BPHL: variants seen among roughly 807,000 people sequenced by gnomAD.
BPHL encodes serine hydrolase BPHL.
Under a neutral mutation model 31.2 loss-of-function variants are expected in BPHL, and 27 were observed. The ratio of observed to expected loss-of-function variants is 0.87; its 90% CI spans 0.64 to 1.19. The LOEUF is 1.19. BPHL is among the 50% of genes most tolerant of loss of function. The pLI is 0.00. For missense variants in BPHL, 356 were observed against 375.7 expected (o/e 0.95, Z 0.43); for synonymous variants, 150 against 146.8 (o/e 1.02, Z -0.16).
chr6:3,147,718 G>A (rs886958623), intron 6 of BPHL, among the ~76,000 whole-genome samples: 1 of 152,188 alleles, frequency 6.6e-6, no homozygotes, highest in Non-Finnish European at 1.5e-5. Flanking sequence ...AAGCTGACAA[G>A]TCCCAAGGTC....
intron 1 of BPHL, among the ~76,000 whole-genome samples, chr6:3,122,141 G>T (rs544684248): frequency 6.6e-6 from 1 of 152,104 alleles, no homozygotes; most frequent in Non-Finnish European, 1.5e-5. Flanking sequence ...TTAGCCGGGC[G>T]TGGTGGCGGG....
chr6:3,127,482 T>C, intron 3 of BPHL, 74 bp downstream of exon 3: 1 of 1,292,454 alleles, frequency 7.7e-7, no homozygotes, highest in Non-Finnish European at 1.0e-6. Flanking sequence ...TTAAATTTTG[T>C]TGTTATATTT....
At chr6:3,146,828 G>A (rs200490082) in intron 6 of BPHL, among the ~76,000 whole-genome samples, 5,903 of 64,456 alleles carry the variant, frequency 0.092, no homozygotes, top group East Asian at 0.15. Context: ...TGCTGGTTCC[G>A]GCTGGAGTGC....
chr6:3,139,130 GGTTT>G (rs1005695543), intron 5 of BPHL: 2 of 152,068 alleles, frequency 1.3e-5, no homozygotes, highest in African/African-American at 4.8e-5. Flanking sequence ...TTGAAGCTTC[GGTTT>G]CCTATCTGTG....
intron 6 of BPHL, among the ~76,000 whole-genome samples, chr6:3,150,589 C>T (rs994766083): frequency 7.9e-5 from 12 of 152,172 alleles, no homozygotes; most frequent in Non-Finnish European, 1.6e-4. Context: ...TGGGGGTTTC[C>T]TACTAATTTT....
At chr6:3,138,184 AT>A (rs11307799) in intron 5 of BPHL, 192,727 of 346,014 alleles carry the variant, frequency 0.56, 57,398 homozygotes, top group Non-Finnish European at 0.66. Flanking sequence ...ACACAGGCAC[AT>A]TTTTTTTGTA....
chr6:3,148,898 T>C (rs1199175262), intron 6 of BPHL, among the ~76,000 whole-genome samples: 1 of 152,192 alleles, frequency 6.6e-6, no homozygotes, highest in African/African-American at 2.4e-5. Flanking sequence ...CAAATGTAGA[T>C]TAATTGTGCT....
intron 6 of BPHL, among the ~76,000 whole-genome samples, chr6:3,141,994 AATTT>A (rs1446534177): frequency 6.6e-6 from 1 of 152,146 alleles, no homozygotes; most frequent in Non-Finnish European, 1.5e-5. Context: ...AATAAGTATA[AATTT>A]ATTTAGTAGC....
intron 1 of BPHL, among the ~76,000 whole-genome samples, 152 bp downstream of exon 1, chr6:3,118,999 C>A (rs1261617271): frequency 6.6e-6 from 1 of 152,134 alleles, no homozygotes; most frequent in African/African-American, 2.4e-5. Flanking sequence ...GCCGCGAGAC[C>A]CCGATCCTGG....
At chr6:3,119,488 C>T (rs996162939) in intron 1 of BPHL, 24 of 1,613,878 alleles carry the variant, frequency 1.5e-5, no homozygotes, top group Middle Eastern at 1.6e-4. Context: ...TCTCTTTTGT[C>T]CTCCCACCTG....
chr6:3,153,263 G>A lies in BPHL; in HGVS notation c.*688G>A, dbSNP rs1391814065. The A allele has an allele frequency of 6.4e-6, 1 of 157,286 alleles. No individual in the cohort carries two copies. The highest frequency in any genetic ancestry group is 1.9e-4 in the East Asian group (1 of 5,338). The allele number at this position is 157,286 out of a possible 1,614,324, so 9.7% of individuals were successfully genotyped here. ...TTTGTACTGTACCTTTTATCTGAGAGGTTCAAGCTTCACTTGTGTTTTTAT... is the reference window on the plus strand; with the variant it reads ...TTTGTACTGTACCTTTTATCTGAGAAGTTCAAGCTTCACTTGTGTTTTTAT... On this transcript the variant is annotated 3_prime_UTR_variant, in exon 7 of 7. Transcript: ENST00000380379.
rs1399357718 is a variant in BPHL at position 3,153,168 on chromosome 6, A to T, written c.*593A>T. 2 of 152,534 alleles carry T rather than the reference A, an allele frequency of 1.3e-5. No individual in the cohort carries two copies. The highest frequency in any genetic ancestry group is 3.8e-4 in the East Asian group (2 of 5,204). 9.4% of individuals were successfully genotyped at this position (152,534 alleles called of 1,614,324 possible). A position where few individuals can be genotyped will look rare whatever the true frequency, so the allele number is the denominator to read the frequency against. On this transcript the variant is annotated 3_prime_UTR_variant, in exon 7 of 7. Transcript: ENST00000380379. ...TCTTAACAGGTGAATTCCTGCCATA[A>T]TTTATTTTCAAATAAATTTTAGGTG...
intron 6 of BPHL, among the ~76,000 whole-genome samples, chr6:3,148,935 G>A (rs917202291): frequency 1.6e-4 from 24 of 152,324 alleles, no homozygotes; most frequent in Admixed American, 1.1e-3. Flanking sequence ...TGTTTAATAT[G>A]CTGCACAGAT....
At chr6:3,132,386 C>G (rs879382981) in intron 4 of BPHL, among the ~76,000 whole-genome samples, 34 of 152,326 alleles carry the variant, frequency 2.2e-4, no homozygotes, top group Admixed American at 9.1e-4. Flanking sequence ...CCTGCTCCCC[C>G]ATGTGGGCCA....
chr6:3,152,615 C>T lies in BPHL; in HGVS notation c.*40C>T. On this transcript the variant is annotated 3_prime_UTR_variant, in exon 7 of 7. Transcript: ENST00000380379. Reference sequence around the variant, plus strand: ...GTCTTGGTGGTTCCTTCGTGTGGGGCTTGATCGTGTTGCTGCCTGTTAACA... The same window carrying T: ...GTCTTGGTGGTTCCTTCGTGTGGGGTTTGATCGTGTTGCTGCCTGTTAACA... The T allele has an allele frequency of 6.4e-7, 1 of 1,565,326 alleles. No individual in the cohort carries two copies. The highest frequency in any genetic ancestry group is 8.7e-7 in the Non-Finnish European group (1 of 1,143,666).
Position 3,137,592 on chromosome 6 carries a change from A to G in BPHL, c.664+99A>G, listed in dbSNP as rs921801467. Reference sequence around the variant, plus strand: ...TGCTCAGTGATTCATGAATCTGCCCATCGCCCTCACACGCTCATGTGTGAG... The same window carrying G: ...TGCTCAGTGATTCATGAATCTGCCCGTCGCCCTCACACGCTCATGTGTGAG... On this transcript the variant is annotated intron_variant, in intron 5 of 6. Transcript: ENST00000380379. The G allele has an allele frequency of 1.2e-5, 18 of 1,517,914 alleles. No individual in the cohort carries two copies. In the African/African-American group the frequency reaches 2.1e-4, roughly 17 times the overall value. 94.0% of individuals were successfully genotyped at this position (1,517,914 alleles called of 1,614,324 possible). A position where few individuals can be genotyped will look rare whatever the true frequency, so the allele number is the denominator to read the frequency against.
intron 1 of BPHL, 74 bp downstream of exon 1, chr6:3,118,921 G>A (rs1000446134): frequency 4.5e-5 from 52 of 1,154,316 alleles, no homozygotes; most frequent in Non-Finnish European, 5.6e-5. Context: ...GGCGCGTGCC[G>A]ACAGCAGGAG....
intron 6 of BPHL, among the ~76,000 whole-genome samples, chr6:3,141,374 G>A (rs139315610): frequency 1.3e-5 from 2 of 152,124 alleles, no homozygotes; most frequent in African/African-American, 4.8e-5. Context: ...TGAGGGAGTT[G>A]GTTTTTTTTT....
In BPHL at chr6:3,123,659, C is replaced by T. The variant is rs1440152365; in HGVS notation, c.110C>T (p.Thr37Ile). 6.2e-7 allele frequency: 1 copy of T among 1,613,004 alleles called. No homozygotes were observed. The highest frequency in any genetic ancestry group is 1.7e-5 in the Admixed American group (1 of 59,902). Residue 37 changes from threonine (T) to isoleucine (I), a missense_variant and splice_region_variant, in exon 2 of 7, where the codon ACC (threonine) becomes ATC (isoleucine). Thr to Ile is a moderately conservative substitution (Grantham distance 89, BLOSUM62 -1). Coordinates refer to ENST00000380379, the MANE Select transcript of BPHL (RefSeq NM_004332.4). The stretch of plus-strand genomic sequence containing the variant: ...GGGATGTGTTTTTTCTCTTCTAGCA[C>T]CTCGGTAACCTCTGCCAAAGTGGCT... Reference protein sequence around the residue: ...PRAGPAAAFGTSVTSAKVAVN... With the variant: ...PRAGPAAAFGISVTSAKVAVN...
Sources: allele counts gnomAD v4.1 joint callset (sites outside exome capture counted in the v4.1 genomes callset), GRCh38; gene constraint gnomAD v4.1.1; transcripts MANE v1.5; gene names NCBI Gene and HGNC (gene_info 2026-07-23, HGNC 2026-07-21).